The following FREM1 variants were observed in gnomAD, a reference collection of about 807,000 sequenced individuals.
FREM1 encodes the protein FRAS1 related extracellular matrix 1.
FREM1 carries 220 observed loss-of-function variants against 210.1 expected under a neutral mutation model. The ratio of observed to expected loss-of-function variants is 1.05; its 90% CI spans 0.94 to 1.17. The LOEUF (loss-of-function observed/expected upper bound fraction) is 1.17. FREM1 is among the 50% of genes most tolerant of loss of function. FREM1 has a pLI of 0.00. For missense variants in FREM1, 3,454 were observed against 2,675.5 expected, an observed-to-expected ratio of 1.29 and a Z score of -6.42; for synonymous variants, 1,189 against 980.2, an observed-to-expected ratio of 1.21 and a Z score of -3.98.
intron 1 of FREM1, among the ~76,000 whole-genome samples, chr9:14,892,722 C>T (rs182613729): frequency 3.3e-5 from 5 of 152,178 alleles, no homozygotes; most frequent in East Asian, 1.9e-4. Context: ...ATGAAAGATC[C>T]CTCTTCTACT....
intron 10 of FREM1, among the ~76,000 whole-genome samples, chr9:14,830,278 C>A (rs2130948777): frequency 6.6e-6 from 1 of 152,254 alleles, no homozygotes; most frequent in Middle Eastern, 3.4e-3. Context: ...CAGGTTTTGT[C>A]ATTTTGTGTA....
intron 35 of FREM1, among the ~76,000 whole-genome samples, chr9:14,743,035 C>G (rs941316653): frequency 2.3e-4 from 35 of 152,088 alleles, no homozygotes; most frequent in Non-Finnish European, 4.4e-5. Context: ...ATGGAAGGAT[C>G]CAATAAGCTA....
rs984541161 is a variant in FREM1 at position 14,816,785 on chromosome 9, T to A, written c.2633A>T (p.His878Leu). The change falls in exon 15 of 37, where the codon CAT becomes CTT. Residue 878 changes from histidine (H) to leucine (L), a missense_variant. By Grantham distance (99) the His-to-Leu change is moderately conservative. Transcript: ENST00000380880. ...AAGAAACTTTCTACCCACCTCAACA[T>A]GTAGTACAAATTCTGCTGAATTTGT... ...DGTNSAEFVL[H>L]VEVFPVNDEP... 1.4e-6 allele frequency: 2 copies of A among 1,405,560 alleles called. No homozygotes were observed. Among genetic ancestry groups the A allele is most frequent in the Admixed American group, 2.0e-5 (1 of 49,448 alleles). The allele number at this position is 1,405,560 out of a possible 1,614,324, so 87.1% of individuals were successfully genotyped here. A position where few individuals can be genotyped will look rare whatever the true frequency, so the allele number is the denominator to read the frequency against.
Position 14,828,704 on chromosome 9 carries a change from A to G in FREM1, c.1882-3712T>C, listed in dbSNP as rs558913784. ...TATGTATAAATTTATTTATGGAAAT[A>G]AATTTCTATTATTTCTAAATTAGTC... On this transcript the variant is annotated intron_variant, in intron 10 of 36. Transcript: ENST00000380880. Among the ~76,000 whole-genome samples the G allele has an allele frequency of 5.9e-5, 9 of 151,968 alleles. No homozygotes were observed. The South Asian group carries it at 1.2e-3, about 21-fold the overall frequency.
chr9:14,792,272 G>GCACACACACACACACA (rs34037291), intron 22 of FREM1, among the ~76,000 whole-genome samples: 10 of 142,236 alleles, frequency 7.0e-5, no homozygotes, highest in African/African-American at 2.4e-4. Context: ...ACACACACAC[G>GCACACACACACACACA]CACACACACA....
chr9:14,784,414 G>C lies in FREM1; in HGVS notation c.4398C>G (p.Cys1466Trp). 6.2e-7 allele frequency: 1 copy of C among 1,613,854 alleles called. No homozygotes were observed. Among genetic ancestry groups the C allele is most frequent in the Non-Finnish European group, 8.5e-7 (1 of 1,179,812 alleles). The change falls in exon 24 of 37, where the codon TGC becomes TGG. Residue 1466 changes from cysteine (C) to tryptophan (W), a missense_variant. Cys to Trp is a radical substitution (Grantham distance 215). Transcript: ENST00000380880. ...SQMDVVGQTV[C>W]YVHKSKVTVS... The stretch of plus-strand genomic sequence containing the variant: ...CAGTCACCTTGCTCTTGTGTACATA[G>C]CAAACTGTCTGCCCCACTACATCCA...
Position 14,750,325 on chromosome 9 carries a change from C to T in FREM1, c.5408-49G>A, listed in dbSNP as rs1255354418. On this transcript the variant is annotated intron_variant, in intron 29 of 36. Transcript: ENST00000380880. ...TACTCTTTAATTGCTATTTCAATCA[C>T]CTAGGTGTCAGAGAAATATATTAAT... The T allele has an allele frequency of 3.4e-6, 5 of 1,449,456 alleles. No homozygotes were observed. The South Asian group carries it at 6.0e-5, about 17-fold the overall frequency. 89.8% of individuals were successfully genotyped at this position (1,449,456 alleles called of 1,614,324 possible).
chr9:14,798,371 G>C (rs900635722), intron 20 of FREM1, among the ~76,000 whole-genome samples: 1 of 152,080 alleles, frequency 6.6e-6, no homozygotes, highest in Non-Finnish European at 1.5e-5. Flanking sequence ...ACAACTTTTC[G>C]GGGCTCAAGT....
chr9:14,824,034 TGACCTCAGCTCCAGGGCCGTAG>T lies in FREM1; in HGVS notation c.2138_2159del (p.Pro713HisfsTer7), dbSNP rs1438011448. The T allele has an allele frequency of 1.3e-6, 2 of 1,588,344 alleles. No homozygotes were observed. Among genetic ancestry groups the T allele is most frequent in the Non-Finnish European group, 1.7e-6 (2 of 1,164,810 alleles). ...TAGCATATCCTCATACCTGAGTGAATGACCTCAGCTCCAGGGCCGTAGGATTCTTAACTACTTTTGGTATGCT... is the reference window on the plus strand; with the variant it reads ...TAGCATATCCTCATACCTGAGTGAATGATTCTTAACTACTTTTGGTATGCT... On this transcript the variant is annotated frameshift_variant, in exon 12 of 37. Coordinates refer to ENST00000380880, the MANE Select transcript of FREM1 (RefSeq NM_001379081.2). LOFTEE classifies it high-confidence loss of function.
chr9:14,746,880 A>T, intron 34 of FREM1, 43 bp downstream of exon 34: 1 of 1,602,208 alleles, frequency 6.2e-7, no homozygotes. Flanking sequence ...ATCATAGAGC[A>T]CATTGCGAAT....
chr9:14,872,321 C>G (rs200670930), intron 1 of FREM1, among the ~76,000 whole-genome samples: 2 of 151,922 alleles, frequency 1.3e-5, no homozygotes, highest in African/African-American at 4.8e-5. Flanking sequence ...TCTTCCATTT[C>G]TTTGTATCCT....
chr9:14,754,511 C>T (rs1232475481), intron 29 of FREM1, among the ~76,000 whole-genome samples: 2 of 152,156 alleles, frequency 1.3e-5, no homozygotes, highest in Non-Finnish European at 2.9e-5. Context: ...AAAAAATTCA[C>T]GTCCTCACTC....
In FREM1 at chr9:14,846,000, G is replaced by A. The variant is rs773724880; in HGVS notation, c.1353C>T (p.Val451=). The A allele has an allele frequency of 2.7e-5, 43 of 1,613,202 alleles. No individual in the cohort carries two copies. The highest frequency in any genetic ancestry group is 3.5e-5 in the Non-Finnish European group (41 of 1,179,642). Residue 451 remains valine, a synonymous_variant, in exon 8 of 37, where the codon GTC becomes GTT. Coordinates refer to ENST00000380880, the MANE Select transcript of FREM1 (RefSeq NM_001379081.2). ...DNDDIGAVRL[V]TVGGLQHGWL... is the part of the protein sequence containing the mutation. ...ATCCATGCTGCAGGCCACCAACGGT[G>A]ACTAGCCGGACAGCACCAATGTCGT...
At chr9:14,903,638 T>C (rs1316320488) in intron 1 of FREM1, among the ~76,000 whole-genome samples, 1 of 152,188 alleles carries the variant, frequency 6.6e-6, no homozygotes, top group African/African-American at 2.4e-5. Flanking sequence ...AGGGCAGTTA[T>C]CACATCCTAC....
chr9:14,836,332 T>C lies in FREM1; in HGVS notation c.1881+5115A>G, dbSNP rs1398672897. On this transcript the variant is annotated intron_variant, in intron 10 of 36. Coordinates refer to ENST00000380880, the MANE Select transcript of FREM1 (RefSeq NM_001379081.2). This position sits in a 1 kb window ranked among gnomAD's most constrained non-coding sequence, Gnocchi z 4.9. ...ATTATCCTTATAACTGGGATAATAGTTACTGACAAAAAGAAAGCGTAAAAG... is the reference window on the plus strand; with the variant it reads ...ATTATCCTTATAACTGGGATAATAGCTACTGACAAAAAGAAAGCGTAAAAG... 6.6e-6 allele frequency among the ~76,000 whole-genome samples: 1 copy of C among 152,232 alleles called. No homozygotes were observed. The highest frequency in any genetic ancestry group is 1.9e-4 in the East Asian group (1 of 5,196).
intron 1 of FREM1, among the ~76,000 whole-genome samples, chr9:14,889,957 G>A (rs532185880): frequency 6.6e-6 from 1 of 152,228 alleles, no homozygotes; most frequent in Admixed American, 6.5e-5. Context: ...AAAGATGTGT[G>A]AGCTGAGGGT....
intron 19 of FREM1, among the ~76,000 whole-genome samples, chr9:14,803,067 T>TTCTC (rs149171753): frequency 0.28 from 40,703 of 145,670 alleles, 7,048 homozygotes; most frequent in African/African-American, 0.5. Flanking sequence ...TTTCTTTTCT[T>TTCTC]TCTTTCTCTT....
Position 14,842,489 on chromosome 9 carries a change from G to C in FREM1, c.1565C>G (p.Pro522Arg). The C allele has an allele frequency of 6.2e-7, 1 of 1,614,020 alleles. No homozygotes were observed. The highest frequency in any genetic ancestry group is 8.5e-7 in the Non-Finnish European group (1 of 1,179,882). The change falls in exon 9 of 37, where the codon CCG becomes CGG. Residue 522 changes from proline (P) to arginine (R), a missense_variant. Pro to Arg is a moderately radical substitution (Grantham distance 103). Coordinates refer to ENST00000380880, the MANE Select transcript of FREM1 (RefSeq NM_001379081.2). Reference protein sequence around the residue: ...INVLPKDDSPPFLITNVVIEL... With the variant: ...INVLPKDDSPRFLITNVVIEL... ...AATCACAACATTGGTTATGAGGAAC[G>C]GGGGACTATCATCTTTGGGCAAGAC...
At chr9:14,741,875 G>A (rs1841631962) in intron 35 of FREM1, among the ~76,000 whole-genome samples, 1 of 152,090 alleles carries the variant, frequency 6.6e-6, no homozygotes, top group Non-Finnish European at 1.5e-5. Context: ...GATTCCTGAA[G>A]CTATCTTTAA....
Sources: gnomAD v4.1 joint callset for allele counts (sites outside exome capture counted in the v4.1 genomes callset) on GRCh38, gnomAD v4.1.1 for gene constraint, Gnocchi (gnomAD v3.1) non-coding constraint, MANE v1.5 for transcripts, NCBI Gene and HGNC (gene_info 2026-07-23, HGNC 2026-07-21) for gene names.